RASAL1: variants seen among roughly 807,000 people sequenced by gnomAD.
RASAL1 encodes rasGAP-activating-like protein 1.
Under a neutral mutation model 96.6 loss-of-function variants are expected in RASAL1, and 72 were observed. The ratio of observed to expected loss-of-function variants is 0.75; its 90% CI spans 0.62 to 0.91. The LOEUF is 0.91. RASAL1 is among the 40% of genes least tolerant of loss of function. The pLI, the probability that RASAL1 is intolerant of heterozygous loss-of-function variation, is 0.00. For missense variants in RASAL1, 1,016 were observed against 1,072.5 expected, an observed-to-expected ratio of 0.95 and a Z score of 0.74; for synonymous variants, 405 against 430.4, an observed-to-expected ratio of 0.94 and a Z score of 0.73.
chr12:113,104,316 C>T lies in RASAL1; in HGVS notation c.1831-18G>A. ...TGACACATCTGGGGAAGAGGATTGT[C>T]GCTGCAGGATGGGCTGGGGGCTAGG... On this transcript the variant is annotated intron_variant, in intron 16 of 20. Transcript: ENST00000548055. 3 of 1,547,762 alleles carry T rather than the reference C, an allele frequency of 1.9e-6. No individual in the cohort carries two copies. Among genetic ancestry groups the T allele is most frequent in the South Asian group, 1.2e-5 (1 of 84,040 alleles).
intron 4 of RASAL1, among the ~76,000 whole-genome samples, chr12:113,123,615 ACT>A (rs1487779953): frequency 6.6e-6 from 1 of 151,918 alleles, no homozygotes; most frequent in African/African-American, 2.4e-5. Flanking sequence ...ATGGAGTCTC[ACT>A]CTGTCACCCA....
At chr12:113,105,971 C>T in intron 15 of RASAL1, 85 bp from the exon 16 acceptor site, 2 of 1,403,016 alleles carry the variant, frequency 1.4e-6, no homozygotes, top group Non-Finnish European at 1.9e-6. Flanking sequence ...CAGGGAGGAC[C>T]TCAGTGGACG....
At chr12:113,104,750 C>G (rs1443476140) in intron 16 of RASAL1, among the ~76,000 whole-genome samples, 1 of 152,198 alleles carries the variant, frequency 6.6e-6, no homozygotes, top group Non-Finnish European at 1.5e-5. Flanking sequence ...GATCTGCCCA[C>G]CCCGGCCTCC....
chr12:113,108,183 G>A lies in RASAL1; in HGVS notation c.1414C>T (p.Arg472Ter), dbSNP rs145374624. Residue 472 changes from arginine to a stop codon, truncating the protein, a stop_gained, in exon 14 of 21, where the codon CGA (arginine) becomes TGA (stop). Transcript: ENST00000548055. LOFTEE classifies it high-confidence loss of function. Reference protein sequence around the residue: ...YLAISGFLFLRFFAPAILTPK... With the variant: ...YLAISGFLFL ...GTAAGGATGGCAGGTGCGAAGAATC[G>A]CAAGAAGAGAAATCCACTGATGGCC... 3.0e-5 allele frequency: 48 copies of A among 1,613,126 alleles called. No individual in the cohort carries two copies. The highest frequency in any genetic ancestry group is 1.8e-4 in the Admixed American group (11 of 59,826).
In RASAL1 at chr12:113,128,140, C is replaced by G; in HGVS notation, c.161G>C (p.Gly54Ala). 6.2e-7 allele frequency: 1 copy of G among 1,613,874 alleles called. No homozygotes were observed. The highest frequency in any genetic ancestry group is 8.5e-7 in the Non-Finnish European group (1 of 1,179,968). ...AGGCAGGTGCACCGTGTACTCCTCC[C>G]CCCAGAAGGGGCCCAGGCTCCTCCA... ...TVWRSLGPFW[G>A]EEYTVHLPLD... Residue 54 changes from glycine to alanine, a missense_variant, in exon 3 of 21, where the codon GGG (glycine) becomes GCG (alanine). Transcript: ENST00000548055.
At chr12:113,104,117 G>A in intron 17 of RASAL1, 36 bp from the exon 18 acceptor site, 1 of 1,171,838 alleles carries the variant, frequency 8.5e-7, no homozygotes, top group Non-Finnish European at 1.2e-6. Context: ...GGGCGGGTGG[G>A]AACAGAGGGA....
chr12:113,106,988 AC>A, intron 15 of RASAL1, 108 bp downstream of exon 15: 1 of 1,245,382 alleles, frequency 8.0e-7, no homozygotes, highest in Non-Finnish European at 1.1e-6. Context: ...TGACTGACCC[AC>A]AGATTCACAT....
intron 2 of RASAL1, among the ~76,000 whole-genome samples, 172 bp from the exon 3 acceptor site, chr12:113,128,350 C>T (rs1349347313): frequency 1.3e-5 from 2 of 151,196 alleles, no homozygotes; most frequent in African/African-American, 2.4e-5. Flanking sequence ...GACACACACA[C>T]ACACCCAAGG....
intron 14 of RASAL1, chr12:113,107,578 G>A (rs1354398737): frequency 2.8e-5 from 14 of 500,922 alleles, no homozygotes; most frequent in East Asian, 1.7e-4. Context: ...AGCCAAGATC[G>A]TGCCACTGCA....
intron 19 of RASAL1, among the ~76,000 whole-genome samples, chr12:113,101,435 T>A (rs577111734): frequency 9.2e-5 from 14 of 152,010 alleles, no homozygotes; most frequent in Non-Finnish European, 1.9e-4. Context: ...ATAAATAAAT[T>A]TTTTTAAAAA....
At chr12:113,112,611 C>A (rs538441882) in intron 12 of RASAL1, among the ~76,000 whole-genome samples, 1 of 152,280 alleles carries the variant, frequency 6.6e-6, no homozygotes, top group East Asian at 1.9e-4. Context: ...TGGAATATTG[C>A]AGGCCTCTCC....
chr12:113,102,537 A>T (rs979264954), intron 18 of RASAL1, among the ~76,000 whole-genome samples: 6 of 152,172 alleles, frequency 3.9e-5, no homozygotes, highest in Non-Finnish European at 7.3e-5. Context: ...TAGCCTGGGC[A>T]AAAGGGTGAG....
At chr12:113,106,344 T>G (rs1950646011) in intron 15 of RASAL1, among the ~76,000 whole-genome samples, 1 of 152,322 alleles carries the variant, frequency 6.6e-6, no homozygotes, top group Admixed American at 6.5e-5. Context: ...GAGCCCCACA[T>G]TATGGTATGG....
At position 113,105,838 on chromosome 12, in the gene RASAL1, CG is replaced by C. The variant is rs1950626128; in HGVS notation, c.1705del (p.Arg569GlufsTer6). 3.7e-6 allele frequency: 6 copies of C among 1,614,086 alleles called. No homozygotes were observed. Among genetic ancestry groups the C allele is most frequent in the Non-Finnish European group, 5.1e-6 (6 of 1,179,996 alleles). On this transcript the variant is annotated frameshift_variant, in exon 16 of 21. Coordinates refer to ENST00000548055, the MANE Select transcript of RASAL1 (RefSeq NM_001301202.2). LOFTEE classifies it high-confidence loss of function. The stretch of plus-strand genomic sequence containing the variant: ...CTTGCGCTTCAGCAGATAGCCTTCT[CG>C]AACAATGGCCGAGGGCGGGAACAGG... The part of the protein sequence containing the change: ...RALFPPSAIV[R>X]EGYLLKRKEE...
At chr12:113,102,671 A>G (rs905383210) in intron 18 of RASAL1, among the ~76,000 whole-genome samples, 3 of 152,056 alleles carry the variant, frequency 2.0e-5, no homozygotes, top group Admixed American at 6.6e-5. Flanking sequence ...GCAGGGAGCC[A>G]TGATTGCACC....
Position 113,104,150 on chromosome 12 carries a change from T to C in RASAL1, c.1968+11A>G. On this transcript the variant is annotated intron_variant, in intron 17 of 20. Coordinates refer to ENST00000548055, the MANE Select transcript of RASAL1 (RefSeq NM_001301202.2). Reference sequence around the variant, plus strand: ...GGACGCCCCCCGCTCCCCATCGCGGTGGGGTCTCACCTTGCACTGGAGGTA... The same window carrying C: ...GGACGCCCCCCGCTCCCCATCGCGGCGGGGTCTCACCTTGCACTGGAGGTA... The C allele has an allele frequency of 6.3e-7, 1 of 1,598,002 alleles. No homozygotes were observed. The highest frequency in any genetic ancestry group is 8.6e-7 in the Non-Finnish European group (1 of 1,167,742).
Position 113,108,188 on chromosome 12 carries a change from AAG to A in RASAL1, c.1407_1408del (p.Phe470LeufsTer15). 6.2e-7 allele frequency: 1 copy of A among 1,613,480 alleles called. No homozygotes were observed. The highest frequency in any genetic ancestry group is 8.5e-7 in the Non-Finnish European group (1 of 1,179,768). On this transcript the variant is annotated frameshift_variant, in exon 14 of 21. Transcript: ENST00000548055. LOFTEE classifies it high-confidence loss of function. ...GATGGCAGGTGCGAAGAATCGCAAG[AAG>A]AGAAATCCACTGATGGCCAGGTACT...
At chr12:113,131,100 G>A (rs114069162) in intron 1 of RASAL1, among the ~76,000 whole-genome samples, 159 bp from the exon 2 acceptor site, 85 of 152,224 alleles carry the variant, frequency 5.6e-4, no homozygotes, top group African/African-American at 2.0e-3. Context: ...GAACCTTAGG[G>A]GACCAGCAGG....
In RASAL1 at chr12:113,102,005, G is replaced by C. The variant is rs199748998; in HGVS notation, c.2109C>G (p.Ala703=). The change falls in exon 19 of 21, where the codon GCC becomes GCG. Residue 703 remains alanine (A), a synonymous_variant. Coordinates refer to ENST00000548055, the MANE Select transcript of RASAL1 (RefSeq NM_001301202.2). ...TCCLQAERSA[A]GCSRTHSAVT... ...CAGCTGAGTGTGTACGGCTGCAGCC[G>C]GCGGCTGAGGGAACACAGCTTCATT... 6.2e-7 allele frequency: 1 copy of C among 1,612,874 alleles called. No individual in the cohort carries two copies. The highest frequency in any genetic ancestry group is 8.5e-7 in the Non-Finnish European group (1 of 1,179,518).
Sources: gnomAD v4.1 joint callset for allele counts (sites outside exome capture counted in the v4.1 genomes callset) on GRCh38, gnomAD v4.1.1 for gene constraint, MANE v1.5 for transcripts, NCBI Gene and HGNC (gene_info 2026-07-23, HGNC 2026-07-21) for gene names.